The following SUCLG1 variants were observed in gnomAD, a reference collection of about 807,000 sequenced individuals.
The protein encoded by SUCLG1 is succinate--CoA ligase [ADP/GDP-forming] subunit alpha, mitochondrial.
A neutral mutation model predicts 37.3 loss-of-function variants in SUCLG1; 26 were observed. The observed-to-expected ratio is 0.70, with a 90% CI of 0.51 to 0.97. SUCLG1 has a LOEUF of 0.97. Ranked by LOEUF, SUCLG1 falls within the 50% of genes least tolerant of loss-of-function variation. SUCLG1 has a pLI of 0.00. For synonymous variants in SUCLG1, 163 were observed against 155.6 expected (o/e 1.05, Z -0.36); for missense variants, 433 against 432.9 (o/e 1.00, Z 0.00).
chr2:84,434,154 A>G (rs1030559963), intron 5 of SUCLG1, among the ~76,000 whole-genome samples: 1 of 152,166 alleles, frequency 6.6e-6, no homozygotes, highest in Non-Finnish European at 1.5e-5. Flanking sequence ...AGCCAAACAA[A>G]TCTCTTTTAC....
intron 5 of SUCLG1, among the ~76,000 whole-genome samples, chr2:84,438,100 G>A (rs1459445277): frequency 6.6e-6 from 1 of 152,180 alleles, no homozygotes; most frequent in Non-Finnish European, 1.5e-5. Flanking sequence ...AGGGTAACAT[G>A]AAGGATACTT....
At chr2:84,425,788 T>C (rs889389310) in intron 7 of SUCLG1, 185 bp from the exon 8 acceptor site, 1 of 658,650 alleles carries the variant, frequency 1.5e-6, no homozygotes, top group Admixed American at 2.5e-5. Flanking sequence ...TTGAGTTAAC[T>C]TTCCATACAA....
rs760170442 is a variant in SUCLG1, at chr2:84,431,576, T to C, written c.757A>G (p.Ile253Val). 3.1e-6 allele frequency: 5 copies of C among 1,614,086 alleles called. No homozygotes were observed. The highest frequency in any genetic ancestry group is 3.3e-5 in the Admixed American group (2 of 60,024). Residue 253 changes from isoleucine (I) to valine (V), a missense_variant, in exon 7 of 9, where the codon ATA (isoleucine) becomes GTA (valine). Physicochemically the swap from Ile to Val is conservative, Grantham distance 29 (BLOSUM62 3). Transcript: ENST00000393868. ...FLNDSATEGIILIGEIGGNAE... is the reference protein window; with the variant it reads ...FLNDSATEGIVLIGEIGGNAE... ...TTACCACCAATTTCACCAATCAATATGATGCCTTCTGTGGCAGAATCGTTC... is the reference window on the plus strand; with the variant it reads ...TTACCACCAATTTCACCAATCAATACGATGCCTTCTGTGGCAGAATCGTTC...
chr2:84,433,530 T>A (rs1672641213), intron 5 of SUCLG1, 95 bp from the exon 6 acceptor site: 1 of 988,510 alleles, frequency 1.0e-6, no homozygotes, highest in African/African-American at 1.6e-5. Context: ...GTGACTAACA[T>A]AGGTATAAAA....
intron 5 of SUCLG1, among the ~76,000 whole-genome samples, chr2:84,440,351 C>A (rs567834248): frequency 6.6e-6 from 1 of 152,048 alleles, no homozygotes; most frequent in Admixed American, 6.6e-5. Context: ...CCAGCCTGGG[C>A]GACAGAGCAA....
chr2:84,431,194 T>C (rs921965251), intron 7 of SUCLG1, among the ~76,000 whole-genome samples: 1 of 152,040 alleles, frequency 6.6e-6, no homozygotes, highest in Admixed American at 6.6e-5. Flanking sequence ...TGGTCACAGG[T>C]GAAAACCAAG....
At chr2:84,442,987 G>T (rs191372860) in intron 3 of SUCLG1, among the ~76,000 whole-genome samples, 2 of 152,342 alleles carry the variant, frequency 1.3e-5, no homozygotes, top group African/African-American at 2.4e-5. Flanking sequence ...CACTCAGGAA[G>T]AATTAAGGGG....
At chr2:84,451,807 C>T (rs1193629065) in intron 1 of SUCLG1, among the ~76,000 whole-genome samples, 1 of 149,524 alleles carries the variant, frequency 6.7e-6, no homozygotes, top group Non-Finnish European at 1.5e-5. Context: ...TGCGCTCATG[C>T]ATGTGTGATC....
chr2:84,443,299 A>G lies in SUCLG1; in HGVS notation c.303T>C (p.Phe101=). Residue 101 remains phenylalanine, a synonymous_variant, in exon 3 of 9, where the codon TTT becomes TTC. Coordinates refer to ENST00000393868, the MANE Select transcript of SUCLG1 (RefSeq NM_003849.4). ...GGQTHLGLPV[F]NTVKEAKEQT... The stretch of plus-strand genomic sequence containing the variant: ...CACTAATTACCTCCTTCACAGTATT[A>G]AAGACAGGTAAGCCCAGATGTGTCT... The G allele has an allele frequency of 6.2e-7, 1 of 1,614,074 alleles. No individual in the cohort carries two copies. Among genetic ancestry groups the G allele is most frequent in the Non-Finnish European group, 8.5e-7 (1 of 1,179,906 alleles).
Position 84,449,862 on chromosome 2 carries a change from C to T in SUCLG1, c.98-110G>A, listed in dbSNP as rs767542455. 2.4e-5 allele frequency: 19 copies of T among 783,196 alleles called. 1 individual carries two copies. Among genetic ancestry groups the T allele is most frequent in the South Asian group, 3.4e-5 (2 of 57,998 alleles). The allele number at this position is 783,196 out of a possible 1,614,324, so 48.5% of individuals were successfully genotyped here. A position where few individuals can be genotyped will look rare whatever the true frequency, so the allele number is the denominator to read the frequency against. On this transcript the variant is annotated intron_variant, in intron 1 of 8. Coordinates refer to ENST00000393868, the MANE Select transcript of SUCLG1 (RefSeq NM_003849.4). ...CAAAAAAAAAATTCTTTAATGCACG[C>T]GCTATCCTGTGATCACGGCAAACCT...
chr2:84,425,843 T>C (rs2104237164), intron 7 of SUCLG1: 2 of 542,126 alleles, frequency 3.7e-6, no homozygotes, highest in East Asian at 6.5e-5. Flanking sequence ...CTGTTCAATA[T>C]AAAACTTCCA....
At chr2:84,438,098 A>G (rs534024034) in intron 5 of SUCLG1, among the ~76,000 whole-genome samples, 9 of 152,336 alleles carry the variant, frequency 5.9e-5, no homozygotes, top group African/African-American at 1.9e-4. Context: ...AAAGGGTAAC[A>G]TGAAGGATAC....
chr2:84,455,227 A>C (rs1672999149), intron 1 of SUCLG1, among the ~76,000 whole-genome samples: 1 of 152,176 alleles, frequency 6.6e-6, no homozygotes. Context: ...GATTTTTAAG[A>C]AGTACTATTA....
chr2:84,425,347 T>C, intron 8 of SUCLG1, 68 bp downstream of exon 8: 1 of 1,582,406 alleles, frequency 6.3e-7, no homozygotes. Context: ...GATTTCCAGG[T>C]ATCCAGTGTG....
intron 1 of SUCLG1, among the ~76,000 whole-genome samples, chr2:84,458,949 AT>A (rs753018007): frequency 4.6e-5 from 7 of 152,236 alleles, no homozygotes; most frequent in Non-Finnish European, 1.0e-4. Flanking sequence ...CAGCCACCCA[AT>A]ATCTCCATCT....
intron 2 of SUCLG1, among the ~76,000 whole-genome samples, chr2:84,444,416 G>A (rs1298091320): frequency 3.9e-5 from 6 of 152,170 alleles, no homozygotes. Context: ...GTTTTTATTA[G>A]TGATTTTCAA....
At chr2:84,430,607 T>C (rs187597888) in intron 7 of SUCLG1, among the ~76,000 whole-genome samples, 71 of 152,316 alleles carry the variant, frequency 4.7e-4, no homozygotes, top group African/African-American at 1.7e-3. Context: ...GTACATGATA[T>C]TATTGGTTCC....
At position 84,454,362 on chromosome 2, in the gene SUCLG1, A is replaced by T. The variant is rs185768515; in HGVS notation, c.98-4610T>A. Among the ~76,000 whole-genome samples the T allele has an allele frequency of 2.0e-5, 3 of 152,368 alleles. No individual in the cohort carries two copies. In the East Asian group the frequency reaches 5.8e-4, roughly 29 times the overall value. On this transcript the variant is annotated intron_variant, in intron 1 of 8. Coordinates refer to ENST00000393868, the MANE Select transcript of SUCLG1 (RefSeq NM_003849.4). ...ACTGTAAAACACGGACAATAATAGT[A>T]TCTCCTTCATAGGCTGATGTGAGAA...
intron 3 of SUCLG1, among the ~76,000 whole-genome samples, chr2:84,442,433 A>C (rs1482927604): frequency 6.6e-6 from 1 of 152,166 alleles, no homozygotes; most frequent in Non-Finnish European, 1.5e-5. Context: ...AGATTTTTAA[A>C]ATTAAATACC....
Sources: allele counts gnomAD v4.1 joint callset (sites outside exome capture counted in the v4.1 genomes callset), GRCh38; gene constraint gnomAD v4.1.1; transcripts MANE v1.5; gene names NCBI Gene and HGNC (gene_info 2026-07-23, HGNC 2026-07-21).